MEGF10: variants seen among roughly 807,000 people sequenced by gnomAD.
The protein encoded by MEGF10 is multiple epidermal growth factor-like domains protein 10.
In MEGF10, 86 loss-of-function variants were observed where a neutral mutation model predicts 147.5. The observed-to-expected ratio is 0.58, with a 90% CI of 0.49 to 0.70. The LOEUF is 0.70. MEGF10 is among the 30% of genes least tolerant of loss of function. The probability of loss-of-function intolerance (pLI) is 0.00; values close to 1 mark genes in which losing one functional copy is unlikely to be tolerated. For synonymous variants in MEGF10, 478 were observed against 525.5 expected, an observed-to-expected ratio of 0.91 and a Z score of 1.24; for missense variants, 1,329 against 1,487.3, an observed-to-expected ratio of 0.89 and a Z score of 1.75.
At chr5:127,287,524 T>G (rs1759066367), upstream of MEGF10, among the ~76,000 whole-genome samples, 3 of 152,126 alleles carry the variant, frequency 2.0e-5, no homozygotes, top group African/African-American at 7.2e-5. Context: ...GATTCATTTT[T>G]TAAATTGTGT....
intron 19 of MEGF10, among the ~76,000 whole-genome samples, chr5:127,443,931 T>C (rs1326116480): frequency 6.6e-6 from 1 of 152,250 alleles, no homozygotes; most frequent in Non-Finnish European, 1.5e-5. Context: ...ACATGTGCTT[T>C]CATTTCTCTT....
chr5:127,449,843 G>A (rs1022184280), intron 22 of MEGF10, among the ~76,000 whole-genome samples: 1 of 152,132 alleles, frequency 6.6e-6, no homozygotes, highest in African/African-American at 2.4e-5. Flanking sequence ...AAGAGCTTCT[G>A]TTGATAGGGG....
rs532194218 is a variant in MEGF10, at chr5:127,396,788, A to G, written c.659+10A>G. On this transcript the variant is annotated intron_variant, in intron 6 of 24. Transcript: ENST00000503335. ...GATACACCGGAGCCTTGTAAGTCAC[A>G]TGCTGCCCAGCAGCAGAGCAGAGCC... 6.2e-7 allele frequency: 1 copy of G among 1,610,228 alleles called. No individual in the cohort carries two copies. The highest frequency in any genetic ancestry group is 8.5e-7 in the Non-Finnish European group (1 of 1,177,518).
chr5:127,418,269 A>C (rs1231347532), intron 10 of MEGF10, among the ~76,000 whole-genome samples: 1 of 152,252 alleles, frequency 6.6e-6, no homozygotes, highest in Non-Finnish European at 1.5e-5. Flanking sequence ...TCCAGACCCT[A>C]TAAATATGTC....
intron 9 of MEGF10, among the ~76,000 whole-genome samples, chr5:127,412,705 A>C (rs902519401): frequency 1.3e-5 from 2 of 151,766 alleles, no homozygotes; most frequent in African/African-American, 2.4e-5. Flanking sequence ...AACAAACAAA[A>C]AAACTACTCC....
chr5:127,388,145 G>A (rs1255154228), intron 5 of MEGF10, among the ~76,000 whole-genome samples: 1 of 152,072 alleles, frequency 6.6e-6, no homozygotes, highest in Non-Finnish European at 1.5e-5. Flanking sequence ...TGTTTGTATA[G>A]TATTATCATT....
intron 7 of MEGF10, among the ~76,000 whole-genome samples, chr5:127,401,101 G>C (rs1295101675): frequency 2.6e-5 from 4 of 152,174 alleles, no homozygotes; most frequent in Non-Finnish European, 5.9e-5. Flanking sequence ...ATTGTGGGTA[G>C]TTAAGTCAGG....
At chr5:127,285,647 A>C in the MEGF10 span, among the ~76,000 whole-genome samples, 1 of 152,142 alleles carries the variant, frequency 6.6e-6, no homozygotes, top group Non-Finnish European at 1.5e-5. Context: ...GCAGTTGTAC[A>C]TTGTTTTCAG....
chr5:127,429,570 T>C (rs1403822891), intron 13 of MEGF10, among the ~76,000 whole-genome samples: 2 of 152,312 alleles, frequency 1.3e-5, no homozygotes, highest in Admixed American at 1.3e-4. Flanking sequence ...AAACAGGCAT[T>C]GTCTCTCCCT....
intron 5 of MEGF10, among the ~76,000 whole-genome samples, chr5:127,395,576 G>A (rs1389341954): frequency 1.0e-5 from 1 of 98,608 alleles, no homozygotes; most frequent in Admixed American, 1.7e-4. Context: ...ACGGAGTCTT[G>A]CTCTGTCCCC....
Position 127,455,447 on chromosome 5 carries a change from C to T in MEGF10, c.3072C>T (p.Ser1024=). Reference sequence around the variant, plus strand: ...ATAATTCAAGTAACTGCTCCCTAAGCAGTTCTGAGAACCCATATGCCACTA... The same window carrying T: ...ATAATTCAAGTAACTGCTCCCTAAGTAGTTCTGAGAACCCATATGCCACTA... The part of the protein sequence containing the change: ...SEYNSSNCSL[S]SSENPYATIK... Residue 1024 remains serine (S), a synonymous_variant, in exon 24 of 25, where the codon AGC becomes AGT. Transcript: ENST00000503335. The T allele has an allele frequency of 6.2e-7, 1 of 1,614,118 alleles. No individual in the cohort carries two copies. The highest frequency in any genetic ancestry group is 8.5e-7 in the Non-Finnish European group (1 of 1,180,010).
chr5:127,378,742 C>T (rs1258598237), intron 5 of MEGF10, among the ~76,000 whole-genome samples: 6 of 152,214 alleles, frequency 3.9e-5, no homozygotes, highest in East Asian at 3.8e-4. Flanking sequence ...CATGGGCCAC[C>T]GTGCCCCGCC....
chr5:127,434,394 C>T (rs1443871474), intron 14 of MEGF10, among the ~76,000 whole-genome samples: 2 of 152,080 alleles, frequency 1.3e-5, no homozygotes. Context: ...ATTCCTGGAG[C>T]CCTGCTTTAT....
chr5:127,256,968 G>C, the MEGF10 span, among the ~76,000 whole-genome samples: 1 of 152,188 alleles, frequency 6.6e-6, no homozygotes, highest in Non-Finnish European at 1.5e-5. Context: ...TCATAAGGAA[G>C]AGGGAGATGG....
intron 23 of MEGF10, 81 bp from the exon 24 acceptor site, chr5:127,455,320 A>C (rs1197202009): frequency 2.5e-5 from 30 of 1,202,124 alleles, no homozygotes; most frequent in Non-Finnish European, 3.5e-5. Flanking sequence ...CCTAGCTATA[A>C]AGAAAAACAG....
chr5:127,407,517 C>G (rs1236291148), intron 8 of MEGF10, among the ~76,000 whole-genome samples: 1 of 152,184 alleles, frequency 6.6e-6, no homozygotes, highest in East Asian at 1.9e-4. Flanking sequence ...TCCATTCTTA[C>G]CAATTCCAGG....
the MEGF10 span, among the ~76,000 whole-genome samples, chr5:127,275,238 G>T: frequency 6.6e-6 from 1 of 152,152 alleles, no homozygotes; most frequent in African/African-American, 2.4e-5. Context: ...TTATAAGAAG[G>T]GATCAGACAA....
intron 9 of MEGF10, among the ~76,000 whole-genome samples, chr5:127,416,181 C>T (rs895580360): frequency 6.6e-6 from 1 of 151,968 alleles, no homozygotes; most frequent in Admixed American, 6.6e-5. Flanking sequence ...ATGCCCACCA[C>T]CACGCCCCGC....
the MEGF10 span, among the ~76,000 whole-genome samples, chr5:127,251,375 G>A: frequency 4.6e-5 from 7 of 151,988 alleles, no homozygotes; most frequent in Non-Finnish European, 8.8e-5. Flanking sequence ...AACTCTTTGT[G>A]CCTTGGTTTC....
Sources: gnomAD v4.1 joint callset for allele counts (sites outside exome capture counted in the v4.1 genomes callset) on GRCh38, gnomAD v4.1.1 for gene constraint, MANE v1.5 for transcripts, NCBI Gene and HGNC (gene_info 2026-07-23, HGNC 2026-07-21) for gene names.